SERPINI1: variants seen among roughly 807,000 people sequenced by gnomAD.
SERPINI1 encodes the protein neuroserpin.
A neutral mutation model predicts 41.1 loss-of-function variants in SERPINI1; 19 were observed. The observed-to-expected ratio is 0.46, with a 90% CI of 0.32 to 0.68. The LOEUF (loss-of-function observed/expected upper bound fraction) is 0.68. Among genes scored for constraint, SERPINI1 ranks in the 30% least tolerant of loss-of-function variants. The pLI, the probability that SERPINI1 is intolerant of heterozygous loss-of-function variation, is 0.03. For missense variants in SERPINI1, 460 were observed against 479.2 expected (o/e 0.96, Z 0.37); for synonymous variants, 138 against 156.6 (o/e 0.88, Z 0.89).
chr3:167,744,793 T>TATA (rs1725808341), intron 1 of SERPINI1, among the ~76,000 whole-genome samples: 1 of 126,588 alleles, frequency 7.9e-6, no homozygotes, highest in African/African-American at 3.0e-5. Context: ...TATGGTTATA[T>TATA]ATATATATAA....
intron 1 of SERPINI1, among the ~76,000 whole-genome samples, chr3:167,761,087 G>A (rs140394837): frequency 6.8e-4 from 104 of 152,246 alleles, no homozygotes; most frequent in African/African-American, 2.4e-3. Context: ...GTTTACTCAC[G>A]TGTGATCTTT....
At chr3:167,738,480 A>G (rs1484341129) in intron 1 of SERPINI1, among the ~76,000 whole-genome samples, 1 of 152,128 alleles carries the variant, frequency 6.6e-6, no homozygotes, top group Non-Finnish European at 1.5e-5. Flanking sequence ...GTAAAGAAGG[A>G]TACAGGGGAA....
At chr3:167,789,751 T>C (rs887828990) in intron 2 of SERPINI1, among the ~76,000 whole-genome samples, 3 of 152,170 alleles carry the variant, frequency 2.0e-5, no homozygotes, top group African/African-American at 7.2e-5. Context: ...TTGCTAAGAA[T>C]ATCAGAAATT....
At chr3:167,772,864 C>CTGTCTCTCTATATA (rs1374013676) in intron 1 of SERPINI1, among the ~76,000 whole-genome samples, 1 of 24,644 alleles carries the variant, frequency 4.1e-5, no homozygotes, top group Non-Finnish European at 6.5e-5. Context: ...CTCTCTCTCT[C>CTGTCTCTCTATATA]TATATATATA....
intron 8 of SERPINI1, 116 bp downstream of exon 8, chr3:167,824,678 TTTA>T: frequency 1.5e-6 from 1 of 647,362 alleles, no homozygotes; most frequent in Non-Finnish European, 2.7e-6. Flanking sequence ...ATTTTATTTA[TTTA>T]TTCTCTTTCC....
intron 6 of SERPINI1, among the ~76,000 whole-genome samples, chr3:167,820,602 C>T (rs1712284806): frequency 6.6e-6 from 1 of 152,222 alleles, no homozygotes; most frequent in Non-Finnish European, 1.5e-5. Flanking sequence ...TGGGCCCCCT[C>T]CAGACTTTGG....
At chr3:167,796,977 AC>A (rs775378506) in intron 5 of SERPINI1, among the ~76,000 whole-genome samples, 9 of 152,296 alleles carry the variant, frequency 5.9e-5, no homozygotes, top group Non-Finnish European at 1.0e-4. Context: ...ATTTCCACCA[AC>A]AGTGTAAAAA....
chr3:167,819,328 T>C (rs892589771), intron 6 of SERPINI1, among the ~76,000 whole-genome samples: 1 of 152,190 alleles, frequency 6.6e-6, no homozygotes, highest in Non-Finnish European at 1.5e-5. Flanking sequence ...TCTTGAAATT[T>C]ATGTGCTGAT....
chr3:167,805,205 A>G (rs1046929579), intron 5 of SERPINI1, among the ~76,000 whole-genome samples: 16 of 152,246 alleles, frequency 1.1e-4, no homozygotes, highest in African/African-American at 3.6e-4. Context: ...CCTCGCTAGC[A>G]TCTGTTGTTT....
At chr3:167,743,537 T>G (rs1295634326) in intron 1 of SERPINI1, among the ~76,000 whole-genome samples, 3 of 152,160 alleles carry the variant, frequency 2.0e-5, no homozygotes, top group Non-Finnish European at 4.4e-5. Flanking sequence ...ACTGCCTGAT[T>G]TTTACATTTC....
chr3:167,784,496 C>T (rs184906639), intron 1 of SERPINI1, among the ~76,000 whole-genome samples: 22 of 152,178 alleles, frequency 1.4e-4, no homozygotes, highest in Admixed American at 1.2e-3. Flanking sequence ...AAGAAATACC[C>T]GAGACTGGGT....
intron 5 of SERPINI1, among the ~76,000 whole-genome samples, chr3:167,803,352 G>C (rs1711514822): frequency 6.6e-6 from 1 of 150,646 alleles, no homozygotes; most frequent in South Asian, 2.1e-4. Context: ...AAGGTGGCAG[G>C]GATTAATATA....
At chr3:167,738,459 A>G (rs1174604763) in intron 1 of SERPINI1, among the ~76,000 whole-genome samples, 2 of 152,184 alleles carry the variant, frequency 1.3e-5, no homozygotes, top group African/African-American at 4.8e-5. Flanking sequence ...GTTCAAGATC[A>G]AATGGTTTTG....
intron 6 of SERPINI1, among the ~76,000 whole-genome samples, chr3:167,814,921 T>C (rs2108571129): frequency 6.6e-6 from 1 of 152,324 alleles, no homozygotes; most frequent in South Asian, 2.1e-4. Flanking sequence ...AAAAGGCTGC[T>C]TGGTGCCAGC....
intron 1 of SERPINI1, among the ~76,000 whole-genome samples, chr3:167,741,084 G>C (rs1290995609): frequency 6.6e-6 from 1 of 152,052 alleles, no homozygotes; most frequent in Non-Finnish European, 1.5e-5. Context: ...TTTGAGACTT[G>C]GCATTGACAG....
chr3:167,775,767 A>G (rs1222182242), intron 1 of SERPINI1, among the ~76,000 whole-genome samples: 1 of 152,186 alleles, frequency 6.6e-6, no homozygotes, highest in African/African-American at 2.4e-5. Flanking sequence ...CATCTAGCTC[A>G]GGGGCTGGCA....
intron 1 of SERPINI1, among the ~76,000 whole-genome samples, chr3:167,788,758 T>G (rs957775262): frequency 6.6e-6 from 1 of 152,220 alleles, no homozygotes; most frequent in Non-Finnish European, 1.5e-5. Context: ...GTAAATATCT[T>G]TTGGTTTTCA....
chr3:167,766,416 T>G (rs918875265), intron 1 of SERPINI1, among the ~76,000 whole-genome samples: 1 of 152,080 alleles, frequency 6.6e-6, no homozygotes, highest in African/African-American at 2.4e-5. Flanking sequence ...TTCACTATCA[T>G]GAGAACAGCC....
intron 6 of SERPINI1, among the ~76,000 whole-genome samples, chr3:167,817,322 G>GT (rs1422337537): frequency 1.3e-5 from 2 of 151,910 alleles, no homozygotes; most frequent in Admixed American, 6.6e-5. Context: ...ATATTGTTGG[G>GT]TTTTTTTCAT....
Sources: allele counts gnomAD v4.1 joint callset (sites outside exome capture counted in the v4.1 genomes callset), GRCh38; gene constraint gnomAD v4.1.1; transcripts MANE v1.5; gene names NCBI Gene and HGNC (gene_info 2026-07-23, HGNC 2026-07-21).